CSMD1: variants seen among roughly 807,000 people sequenced by gnomAD.
The protein encoded by CSMD1 is CUB and Sushi multiple domains 1.
Under a neutral mutation model 417.5 loss-of-function variants are expected in CSMD1, and 213 were observed. That is an observed-to-expected ratio of 0.51 (90% CI 0.46 to 0.57). The LOEUF (loss-of-function observed/expected upper bound fraction) is 0.57. Ranked by LOEUF, CSMD1 falls within the 20% of genes least tolerant of loss-of-function variation. CSMD1 has a pLI of 0.00. For missense variants in CSMD1, 6,923 were observed against 4,529.7 expected (o/e 1.53, Z -15.17); for synonymous variants, 2,862 against 1,736.8 (o/e 1.65, Z -16.11).
chr8:3,637,392 C>T (rs545317303), intron 7 of CSMD1, among the ~76,000 whole-genome samples: 12 of 152,096 alleles, frequency 7.9e-5, no homozygotes, highest in Non-Finnish European at 1.6e-4. Flanking sequence ...AAATGTCTAA[C>T]CACCTTATTA....
rs185444666 is a variant in CSMD1, at chr8:4,720,297, G to A, written c.86-82739C>T. On this transcript the variant is annotated intron_variant, in intron 1 of 69. Coordinates refer to ENST00000635120, the MANE Select transcript of CSMD1 (RefSeq NM_033225.6). Reference sequence around the variant, plus strand: ...TTTTCCAAATATCACAGAAAGCAATGTGAAATTCCTTCTTCTCAAAATCTA... The same window carrying A: ...TTTTCCAAATATCACAGAAAGCAATATGAAATTCCTTCTTCTCAAAATCTA... Among the ~76,000 whole-genome samples, 11 of 152,180 alleles carry A rather than the reference G, an allele frequency of 7.2e-5. No individual in the cohort carries two copies. In the East Asian group the frequency reaches 1.9e-3, roughly 27 times the overall value.
intron 2 of CSMD1, among the ~76,000 whole-genome samples, chr8:4,601,783 A>G (rs1419627049): frequency 6.6e-6 from 1 of 152,198 alleles, no homozygotes; most frequent in Non-Finnish European, 1.5e-5. Flanking sequence ...TGACCAAATG[A>G]AAAGTGAGTA....
At chr8:4,543,240 A>G (rs1490794813) in intron 2 of CSMD1, among the ~76,000 whole-genome samples, 1 of 152,148 alleles carries the variant, frequency 6.6e-6, no homozygotes, top group Non-Finnish European at 1.5e-5. Flanking sequence ...ATCCACCATT[A>G]CAGAATCACA....
intron 18 of CSMD1, among the ~76,000 whole-genome samples, chr8:3,383,088 A>G (rs1326600390): frequency 9.2e-6 from 1 of 108,844 alleles, no homozygotes; most frequent in African/African-American, 3.5e-5. Context: ...TGGACACTAC[A>G]TCGTTCCTTA....
chr8:3,763,777 A>G (rs1188334355), intron 5 of CSMD1, among the ~76,000 whole-genome samples: 1 of 152,192 alleles, frequency 6.6e-6, no homozygotes, highest in Non-Finnish European at 1.5e-5. Flanking sequence ...GACAATGACC[A>G]GGGCTCCATA....
chr8:4,650,480 C>G (rs1417310000), intron 1 of CSMD1, among the ~76,000 whole-genome samples: 3 of 151,718 alleles, frequency 2.0e-5, no homozygotes, highest in Non-Finnish European at 4.4e-5. Context: ...TGCTCCTAAG[C>G]TGTGGGCAAG....
chr8:3,142,337 A>G lies in CSMD1; in HGVS notation c.6241+128T>C, dbSNP rs1818554356. ...GTGTTCCACTACTAACCAGAAACCA[A>G]CATTCCACCAAAAAATTATTCCACT... On this transcript the variant is annotated intron_variant, in intron 41 of 69. Coordinates refer to ENST00000635120, the MANE Select transcript of CSMD1 (RefSeq NM_033225.6). 6 of 844,934 alleles carry G rather than the reference A, an allele frequency of 7.1e-6. No homozygotes were observed. In the South Asian group the frequency reaches 1.0e-4, roughly 14 times the overall value. 52.3% of individuals were successfully genotyped at this position (844,934 alleles called of 1,614,324 possible). A position where few individuals can be genotyped will look rare whatever the true frequency, so the allele number is the denominator to read the frequency against.
intron 5 of CSMD1, among the ~76,000 whole-genome samples, chr8:3,759,958 C>T (rs985522644): frequency 2.0e-5 from 3 of 149,984 alleles, no homozygotes; most frequent in African/African-American, 7.4e-5. Flanking sequence ...TAGTGATCAA[C>T]CAATGTCTTC....
At chr8:3,898,225 T>A (rs1261255014) in intron 5 of CSMD1, among the ~76,000 whole-genome samples, 1 of 152,052 alleles carries the variant, frequency 6.6e-6, no homozygotes, top group East Asian at 1.9e-4. Context: ...CCCTACATAT[T>A]GAGAAAATAA....
rs544895809 is a variant in CSMD1, at chr8:3,936,893, T to C, written c.818+61010A>G. On this transcript the variant is annotated intron_variant, in intron 5 of 69. Coordinates refer to ENST00000635120, the MANE Select transcript of CSMD1 (RefSeq NM_033225.6). ...GTAAAACAAAACCCTTTGGAAAGAA[T>C]TCCCCATTCCAATGATATTAAGAAT... Among the ~76,000 whole-genome samples the C allele has an allele frequency of 6.4e-4, 98 of 152,280 alleles. 1 individual carries two copies. The Middle Eastern group carries it at 0.014, about 21-fold the overall frequency.
intron 3 of CSMD1, among the ~76,000 whole-genome samples, chr8:4,085,932 C>G (rs1430385844): frequency 1.3e-5 from 2 of 152,018 alleles, no homozygotes; most frequent in African/African-American, 4.8e-5. Context: ...GAAGGGGGCT[C>G]TGTATTATTT....
chr8:3,612,524 G>T (rs375109419), intron 8 of CSMD1, among the ~76,000 whole-genome samples: 1 of 152,040 alleles, frequency 6.6e-6, no homozygotes, highest in Non-Finnish European at 1.5e-5. Flanking sequence ...AGTGGTCATG[G>T]AACATTTACC....
intron 5 of CSMD1, among the ~76,000 whole-genome samples, chr8:3,941,794 G>C (rs1430252832): frequency 6.6e-6 from 1 of 151,048 alleles, no homozygotes; most frequent in Admixed American, 6.6e-5. Flanking sequence ...TTTTTCCTCT[G>C]TTCCCTCATA....
intron 1 of CSMD1, among the ~76,000 whole-genome samples, chr8:4,657,079 C>A (rs1804277245): frequency 6.6e-6 from 1 of 152,126 alleles, no homozygotes; most frequent in African/African-American, 2.4e-5. Flanking sequence ...CAAAGCTGCA[C>A]AGAAAAGCTA....
chr8:4,738,581 C>G (rs1229069119), intron 1 of CSMD1, among the ~76,000 whole-genome samples: 1 of 152,058 alleles, frequency 6.6e-6, no homozygotes, highest in Non-Finnish European at 1.5e-5. Flanking sequence ...TGAATGGGGA[C>G]ACAAAGCCTA....
At chr8:3,992,054 C>G (rs1814789282) in intron 5 of CSMD1, among the ~76,000 whole-genome samples, 1 of 151,610 alleles carries the variant, frequency 6.6e-6, no homozygotes, top group Non-Finnish European at 1.5e-5. Flanking sequence ...GCTACAATAT[C>G]ATGTTAATTA....
chr8:4,917,839 G>A (rs1011162233), intron 1 of CSMD1, among the ~76,000 whole-genome samples: 1 of 152,200 alleles, frequency 6.6e-6, no homozygotes, highest in Non-Finnish European at 1.5e-5. Flanking sequence ...AGATGGAGGA[G>A]GAGATTTCCA....
At chr8:3,809,724 T>C (rs1369685323) in intron 5 of CSMD1, among the ~76,000 whole-genome samples, 2 of 152,154 alleles carry the variant, frequency 1.3e-5, no homozygotes, top group African/African-American at 4.8e-5. Flanking sequence ...TCTATAGGTC[T>C]TCAAGGAAGG....
At chr8:3,706,043 G>A (rs1801147458) in intron 7 of CSMD1, among the ~76,000 whole-genome samples, 2 of 152,244 alleles carry the variant, frequency 1.3e-5, no homozygotes, top group South Asian at 4.1e-4. Context: ...GGGGCTCATG[G>A]TGGGAACGCC....
Sources: allele counts gnomAD v4.1 joint callset (sites outside exome capture counted in the v4.1 genomes callset), GRCh38; gene constraint gnomAD v4.1.1; transcripts MANE v1.5; gene names NCBI Gene and HGNC (gene_info 2026-07-23, HGNC 2026-07-21).